The following CEPT1 variants were observed in gnomAD, a reference collection of about 807,000 sequenced individuals.
CEPT1 encodes the protein choline/ethanolamine phosphotransferase 1, also known as choline/ethanolaminephosphotransferase 1.
A neutral mutation model predicts 42.6 loss-of-function variants in CEPT1; 7 were observed. That is an observed-to-expected ratio of 0.16 (90% confidence interval 0.09 to 0.31). The LOEUF is 0.31. Among genes scored for constraint, CEPT1 ranks in the 10% least tolerant of loss-of-function variants. The pLI is 1.00. For synonymous variants in CEPT1, 171 were observed against 171.9 expected, an observed-to-expected ratio of 0.99 and a Z score of 0.04; for missense variants, 306 against 502.1, an observed-to-expected ratio of 0.61 and a Z score of 3.73.
chr1:111,143,253 G>A (rs939743680), intron 1 of CEPT1, among the ~76,000 whole-genome samples: 1 of 152,098 alleles, frequency 6.6e-6, no homozygotes, highest in African/African-American at 2.4e-5. Flanking sequence ...ACTATCTCAG[G>A]GCGTGTTCCA....
At chr1:111,149,387 C>T (rs1169061823) in intron 2 of CEPT1, among the ~76,000 whole-genome samples, 1 of 151,696 alleles carries the variant, frequency 6.6e-6, no homozygotes, top group Non-Finnish European at 1.5e-5. Context: ...CTCAGCCTCC[C>T]AAGTAACTGG....
At chr1:111,165,389 G>C (rs1416593156) in intron 4 of CEPT1, among the ~76,000 whole-genome samples, 1 of 151,888 alleles carries the variant, frequency 6.6e-6, no homozygotes, top group Non-Finnish European at 1.5e-5. Flanking sequence ...ATGCTGTAAA[G>C]GCAGAACTCA....
chr1:111,154,114 C>CG (rs1655427830), intron 2 of CEPT1, among the ~76,000 whole-genome samples: 2 of 151,852 alleles, frequency 1.3e-5, no homozygotes, highest in South Asian at 4.2e-4. Context: ...ATGTCCTCCT[C>CG]AGTTTCTTTT....
rs545934058 is a variant in CEPT1, at chr1:111,184,515, A to T, written c.*205A>T. ...CATCTTGTAAATTGTATATGTTGTC[A>T]TGCAGGGTTTGGGCCAAGAAAGCAT... On this transcript the variant is annotated 3_prime_UTR_variant, in exon 9 of 9. Coordinates refer to ENST00000357172, the MANE Select transcript of CEPT1 (RefSeq NM_006090.5). 3 of 420,362 alleles carry T rather than the reference A, an allele frequency of 7.1e-6. No homozygotes were observed. In the East Asian group the frequency reaches 1.3e-4, roughly 18 times the overall value. 26.0% of individuals were successfully genotyped at this position (420,362 alleles called of 1,614,324 possible). A position where few individuals can be genotyped will look rare whatever the true frequency, so the allele number is the denominator to read the frequency against.
At position 111,174,641 on chromosome 1, in the gene CEPT1, CT is replaced by C. The variant is rs551724667; in HGVS notation, c.630-235del. 1.4e-3 allele frequency among the ~76,000 whole-genome samples: 205 copies of C among 151,546 alleles called. 1 individual carries two copies. The highest frequency in any genetic ancestry group is 4.4e-3 in the African/African-American group (183 of 41,284). On this transcript the variant is annotated intron_variant, in intron 4 of 8. Coordinates refer to ENST00000357172, the MANE Select transcript of CEPT1 (RefSeq NM_006090.5). ...CCAACTTCAATGAGTCAGAAATTTCCTTTGGAAAGGAGGGGTTTTTATTGCT... is the reference window on the plus strand; with the variant it reads ...CCAACTTCAATGAGTCAGAAATTTCCTTGGAAAGGAGGGGTTTTTATTGCT...
At chr1:111,152,334 A>C (rs1220933621) in intron 2 of CEPT1, among the ~76,000 whole-genome samples, 2 of 151,912 alleles carry the variant, frequency 1.3e-5, no homozygotes, top group Non-Finnish European at 2.9e-5. Context: ...GTGAAGGGGG[A>C]AAAAAATTAC....
chr1:111,141,624 A>G lies in CEPT1; in HGVS notation c.-74+1317A>G, dbSNP rs1358647076. The stretch of plus-strand genomic sequence containing the variant: ...TGTGTGTGTGTTTTTTTAAGGGGGA[A>G]GAAAGTGATTTCCTCTTTTAAGGAG... On this transcript the variant is annotated intron_variant, in intron 1 of 8. Coordinates refer to ENST00000357172, the MANE Select transcript of CEPT1 (RefSeq NM_006090.5). 6.6e-5 allele frequency among the ~76,000 whole-genome samples: 10 copies of G among 152,120 alleles called. No individual in the cohort carries two copies. The East Asian group carries it at 1.9e-3, about 29-fold the overall frequency.
intron 4 of CEPT1, among the ~76,000 whole-genome samples, chr1:111,166,848 C>T (rs1306608780): frequency 6.6e-6 from 1 of 152,140 alleles, no homozygotes; most frequent in Non-Finnish European, 1.5e-5. Flanking sequence ...ATTAGTGTTT[C>T]CAGCTGCCTA....
chr1:111,141,137 T>TC (rs1326454271), intron 1 of CEPT1, among the ~76,000 whole-genome samples: 8 of 152,346 alleles, frequency 5.3e-5, no homozygotes, highest in Admixed American at 2.6e-4. Context: ...TGTTAGTGTC[T>TC]CGTCTTGTAT....
chr1:111,155,996 GT>G (rs1336226802), intron 2 of CEPT1, among the ~76,000 whole-genome samples: 1 of 151,922 alleles, frequency 6.6e-6, no homozygotes, highest in Non-Finnish European at 1.5e-5. Context: ...TTATTACGTT[GT>G]TTATTTGAAA....
chr1:111,161,360 G>A, intron 4 of CEPT1, 64 bp downstream of exon 4: 1 of 1,418,750 alleles, frequency 7.0e-7, no homozygotes, highest in Non-Finnish European at 9.6e-7. Context: ...TGCCTTATAA[G>A]TATTTGAGTA....
chr1:111,148,099 C>T (rs761346454), intron 2 of CEPT1, 46 bp downstream of exon 2: 6 of 1,450,472 alleles, frequency 4.1e-6, no homozygotes, highest in East Asian at 2.3e-5. Context: ...ATACCAAAAA[C>T]GTTGTAATTG....
chr1:111,142,307 C>G (rs927741730), intron 1 of CEPT1, among the ~76,000 whole-genome samples: 2 of 152,178 alleles, frequency 1.3e-5, no homozygotes, highest in Admixed American at 6.5e-5. Flanking sequence ...TAGTTCTCCT[C>G]TGGACTTACA....
chr1:111,141,746 A>T (rs555534538), intron 1 of CEPT1, among the ~76,000 whole-genome samples: 1 of 151,998 alleles, frequency 6.6e-6, no homozygotes, highest in Non-Finnish European at 1.5e-5. Flanking sequence ...GTTTTTGTAA[A>T]CTTGCTCTAT....
intron 5 of CEPT1, chr1:111,181,139 G>A (rs1656958827): frequency 6.6e-6 from 1 of 152,008 alleles, no homozygotes; most frequent in Non-Finnish European, 1.5e-5. Context: ...ACTCCAGCCT[G>A]GGTGACAGAG....
chr1:111,143,919 G>A (rs1654806630), intron 1 of CEPT1, among the ~76,000 whole-genome samples: 1 of 152,070 alleles, frequency 6.6e-6, no homozygotes, highest in Non-Finnish European at 1.5e-5. Context: ...TTGTATAGAT[G>A]TGGTTTTGCT....
chr1:111,167,579 G>C (rs1407147971), intron 4 of CEPT1: 4 of 966,788 alleles, frequency 4.1e-6, no homozygotes, highest in Non-Finnish European at 4.9e-6. Flanking sequence ...AAGTTGAGAT[G>C]ATTCTATATT....
In CEPT1 at chr1:111,183,161, C is replaced by G. The variant is rs144547551; in HGVS notation, c.1005+204C>G. On this transcript the variant is annotated intron_variant, in intron 7 of 8. Coordinates refer to ENST00000357172, the MANE Select transcript of CEPT1 (RefSeq NM_006090.5). ...TTACTGGAAGTTCTTGGAAAACATA[C>G]AACTTTTTACCCTTTTATCCACTGT... Among the ~76,000 whole-genome samples, 64 of 152,282 alleles carry G rather than the reference C, an allele frequency of 4.2e-4. 1 individual carries two copies. In the East Asian group the frequency reaches 0.012, roughly 28 times the overall value.
chr1:111,149,623 A>G (rs1309488195), intron 2 of CEPT1, among the ~76,000 whole-genome samples: 2 of 152,192 alleles, frequency 1.3e-5, no homozygotes, highest in East Asian at 3.8e-4. Context: ...ACAAACCAGT[A>G]CATTATTTAA....
Sources: gnomAD v4.1 joint callset for allele counts (sites outside exome capture counted in the v4.1 genomes callset) on GRCh38, gnomAD v4.1.1 for gene constraint, MANE v1.5 for transcripts, NCBI Gene and HGNC (gene_info 2026-07-23, HGNC 2026-07-21) for gene names.